Variants in RYR2 observed in about 807,000 individuals in gnomAD.
RYR2 encodes the protein cardiac muscle ryanodine receptor-calcium release channel.
RYR2 carries 227 observed loss-of-function variants against 601.1 expected under a neutral mutation model. The observed-to-expected ratio is 0.38, with a 90% CI of 0.34 to 0.42. The LOEUF is 0.42. Ranked by LOEUF, RYR2 falls within the 10% of genes least tolerant of loss-of-function variation. RYR2 has a pLI of 1.00. For missense variants in RYR2, 4,646 were observed against 6,156.5 expected (o/e 0.75, Z 8.21); for synonymous variants, 2,223 against 2,175.1 (o/e 1.02, Z -0.61).
At chr1:237,108,250 G>A (rs1019083599) in intron 1 of RYR2, among the ~76,000 whole-genome samples, 7 of 152,208 alleles carry the variant, frequency 4.6e-5, no homozygotes, top group Non-Finnish European at 1.0e-4. Context: ...TCTGGGTTGT[G>A]AGGCTACACC....
intron 1 of RYR2, among the ~76,000 whole-genome samples, chr1:237,171,267 A>T (rs1011662278): frequency 6.6e-6 from 1 of 152,174 alleles, no homozygotes; most frequent in Non-Finnish European, 1.5e-5. Flanking sequence ...CCATTAAAAA[A>T]AAATATTTAA....
At chr1:237,691,191 G>A (rs973048093) in intron 63 of RYR2, among the ~76,000 whole-genome samples, 2 of 152,060 alleles carry the variant, frequency 1.3e-5, no homozygotes, top group African/African-American at 4.8e-5. Context: ...ATTTTTTCAT[G>A]ACCTAAACCT....
At chr1:237,164,976 T>C (rs972086181) in intron 1 of RYR2, among the ~76,000 whole-genome samples, 13 of 1,062 alleles carry the variant, frequency 0.012, no homozygotes, top group Admixed American at 0.033. Flanking sequence ...TGTTTATTCT[T>C]TTTTTTTTTT....
chr1:237,347,846 T>C (rs984052223), intron 3 of RYR2, among the ~76,000 whole-genome samples: 2 of 152,122 alleles, frequency 1.3e-5, no homozygotes, highest in Non-Finnish European at 2.9e-5. Flanking sequence ...ATATTAAATT[T>C]AAAAGGAAAT....
At chr1:237,341,678 C>G in intron 3 of RYR2, 1 of 514,322 alleles carries the variant, frequency 1.9e-6, no homozygotes, top group South Asian at 1.4e-5. Flanking sequence ...GGAGGGACTG[C>G]AAGATGGAAT....
chr1:237,587,555 A>C (rs1206979278), intron 29 of RYR2, among the ~76,000 whole-genome samples: 1 of 152,080 alleles, frequency 6.6e-6, no homozygotes, highest in Non-Finnish European at 1.5e-5. Context: ...TTCAATAATA[A>C]TTACTTGGAG....
chr1:237,449,288 A>C (rs990758128), intron 14 of RYR2, among the ~76,000 whole-genome samples: 16 of 152,154 alleles, frequency 1.1e-4, no homozygotes, highest in African/African-American at 3.6e-4. Context: ...TAAAGCTGTA[A>C]TACTTTATTT....
At chr1:237,177,029 A>G (rs1364987630) in intron 1 of RYR2, among the ~76,000 whole-genome samples, 1 of 152,230 alleles carries the variant, frequency 6.6e-6, no homozygotes, top group Non-Finnish European at 1.5e-5. Context: ...ATCTTTTTGT[A>G]AACAAAAACG....
chr1:237,643,224 G>A, intron 47 of RYR2, 103 bp from the exon 48 acceptor site: 1 of 1,459,270 alleles, frequency 6.9e-7, no homozygotes, highest in Non-Finnish European at 9.4e-7. Flanking sequence ...ACACTGATCA[G>A]AAAATTATTT....
At chr1:237,298,496 A>G (rs1478168896) in intron 2 of RYR2, among the ~76,000 whole-genome samples, 1 of 152,104 alleles carries the variant, frequency 6.6e-6, no homozygotes, top group Non-Finnish European at 1.5e-5. Context: ...CACAGTTTTT[A>G]TTGTTTTCAA....
In RYR2 at chr1:237,267,662, AATGCACAATCAGCCCC is replaced by A. The variant is rs985719155; in HGVS notation, c.49-2833_49-2818del. The A allele has an allele frequency of 1.1e-4, 26 of 240,786 alleles. No homozygotes were observed. The Admixed American group carries it at 1.1e-3, about 11-fold the overall frequency. 14.9% of individuals were successfully genotyped at this position (240,786 alleles called of 1,614,324 possible). On this transcript the variant is annotated intron_variant, in intron 1 of 104. Transcript: ENST00000366574. Reference sequence around the variant, plus strand: ...TGGCTCATATTGAGAGCTTCTTAGAAATGCACAATCAGCCCCACTCAAGACTTTCCCAATCAGAATC... The same window carrying A: ...TGGCTCATATTGAGAGCTTCTTAGAAACTCAAGACTTTCCCAATCAGAATC...
intron 63 of RYR2, among the ~76,000 whole-genome samples, chr1:237,690,950 C>A (rs1686888653): frequency 6.6e-6 from 1 of 152,188 alleles, no homozygotes; most frequent in African/African-American, 2.4e-5. Context: ...TTTTTCCAAA[C>A]AGAGAGACCC....
At chr1:237,723,595 C>T (rs1197691546) in intron 74 of RYR2, among the ~76,000 whole-genome samples, 2 of 152,074 alleles carry the variant, frequency 1.3e-5, no homozygotes, top group Admixed American at 1.3e-4. Context: ...ATACTTTATG[C>T]ATACTTCATT....
chr1:237,305,426 G>C (rs1401745695), intron 2 of RYR2, among the ~76,000 whole-genome samples: 1 of 152,144 alleles, frequency 6.6e-6, no homozygotes, highest in Admixed American at 6.5e-5. Flanking sequence ...ATAAAGGGCA[G>C]AACTCAGCAA....
At position 237,827,809 on chromosome 1, in the gene RYR2, T is replaced by C. The variant is rs371442448; in HGVS notation, c.14591-572T>C. 1.2e-3 allele frequency among the ~76,000 whole-genome samples: 177 copies of C among 151,314 alleles called. 2 individuals are homozygous for C. The South Asian group carries it at 0.026, about 22-fold the overall frequency. Reference sequence around the variant, plus strand: ...AAAATTAGCCAGGTGTGGCAGTGTGTGCCTGTAGTCCCAGCTGCTGGGGAG... The same window carrying C: ...AAAATTAGCCAGGTGTGGCAGTGTGCGCCTGTAGTCCCAGCTGCTGGGGAG... On this transcript the variant is annotated intron_variant, in intron 101 of 104. Transcript: ENST00000366574.
At chr1:237,443,562 A>T (rs1436889450) in intron 13 of RYR2, among the ~76,000 whole-genome samples, 1 of 152,222 alleles carries the variant, frequency 6.6e-6, no homozygotes, top group African/African-American at 2.4e-5. Context: ...ACTTGACCAT[A>T]GTGTATGATT....
chr1:237,065,677 T>G (rs1663514834), intron 1 of RYR2, among the ~76,000 whole-genome samples: 1 of 152,186 alleles, frequency 6.6e-6, no homozygotes, highest in African/African-American at 2.4e-5. Flanking sequence ...TGTAATTTTG[T>G]CATTTTGACA....
intron 3 of RYR2, among the ~76,000 whole-genome samples, chr1:237,349,659 G>A (rs561594884): frequency 6.6e-6 from 1 of 152,172 alleles, no homozygotes; most frequent in East Asian, 1.9e-4. Context: ...TCCTTTTTCT[G>A]GAACAAGGTG....
chr1:237,633,267 A>T (rs1359178600), intron 42 of RYR2, among the ~76,000 whole-genome samples: 1 of 152,228 alleles, frequency 6.6e-6, no homozygotes, highest in African/African-American at 2.4e-5. Flanking sequence ...TTTCCCATGG[A>T]AGCACAGCTG....
Sources: gnomAD v4.1 joint callset for allele counts (sites outside exome capture counted in the v4.1 genomes callset) on GRCh38, gnomAD v4.1.1 for gene constraint, MANE v1.5 for transcripts, NCBI Gene and HGNC (gene_info 2026-07-23, HGNC 2026-07-21) for gene names.